Variants in ZNF165 observed in about 807,000 individuals in gnomAD.
The protein encoded by ZNF165 is zinc finger protein 165.
Under a neutral mutation model 19.6 loss-of-function variants are expected in ZNF165, and 14 were observed. That is an observed-to-expected ratio of 0.71 (90% CI 0.47 to 1.12). ZNF165 has a LOEUF of 1.12. Among genes scored for constraint, ZNF165 ranks in the 50% most tolerant of loss-of-function variants. The pLI, the probability that ZNF165 is intolerant of heterozygous loss-of-function variation, is 0.00. For synonymous variants in ZNF165, 165 were observed against 195.0 expected, an observed-to-expected ratio of 0.85 and a Z score of 1.28; for missense variants, 504 against 566.3, an observed-to-expected ratio of 0.89 and a Z score of 1.12.
At chr6:28,085,253 A>G (rs1764248529) in intron 1 of ZNF165, among the ~76,000 whole-genome samples, 1 of 152,218 alleles carries the variant, frequency 6.6e-6, no homozygotes, top group African/African-American at 2.4e-5. Context: ...AAATTAAGCT[A>G]TCTTGAAGTA....
chr6:28,087,660 ACC>A (rs1393648745), intron 3 of ZNF165, among the ~76,000 whole-genome samples: 10 of 152,096 alleles, frequency 6.6e-5, no homozygotes, highest in Non-Finnish European at 1.3e-4. Context: ...GCACTCCCTA[ACC>A]CTCTTTCCTG....
upstream of ZNF165, among the ~76,000 whole-genome samples, chr6:28,080,371 ATCTTTTTCTTCTTCT>A (rs1764124222): frequency 1.3e-5 from 2 of 151,810 alleles, no homozygotes; most frequent in Non-Finnish European, 2.9e-5. Flanking sequence ...TCGAGTGTGT[ATCTTTTTCTTCTTCT>A]TCTTTTTCTG....
In ZNF165 at chr6:28,085,541, A is replaced by G; in HGVS notation, c.61A>G (p.Ile21Val). Residue 21 changes from isoleucine to valine, a missense_variant, in exon 2 of 4, where the codon ATA (isoleucine) becomes GTA (valine). Ile to Val is a conservative substitution (Grantham distance 29, BLOSUM62 3). Transcript: ENST00000683778. ...QNSPEDEGLLIVKIEEEEFIH... is the reference protein window; with the variant it reads ...QNSPEDEGLLVVKIEEEEFIH... ...CTCTCCAGAGGATGAAGGACTTCTGATAGTGAAGATAGAAGAGGAAGAATT... is the reference window on the plus strand; with the variant it reads ...CTCTCCAGAGGATGAAGGACTTCTGGTAGTGAAGATAGAAGAGGAAGAATT... The G allele has an allele frequency of 3.1e-6, 5 of 1,614,254 alleles. No homozygotes were observed. The highest frequency in any genetic ancestry group is 4.2e-6 in the Non-Finnish European group (5 of 1,180,034).
intron 1 of ZNF165, among the ~76,000 whole-genome samples, chr6:28,083,725 T>C (rs1237207540): frequency 6.6e-6 from 1 of 152,208 alleles, no homozygotes; most frequent in Admixed American, 6.5e-5. Context: ...ATTGCCTTGA[T>C]GAGAAAATTC....
At chr6:28,086,066 T>C in intron 2 of ZNF165, 106 bp from the exon 3 acceptor site, 3 of 1,524,732 alleles carry the variant, frequency 2.0e-6, no homozygotes, top group Non-Finnish European at 2.6e-6. Context: ...CAGACTCGAT[T>C]CTTCCTTCCC....
rs761110057 is a variant in ZNF165 at position 28,089,291 on chromosome 6, C to G, written c.1279C>G (p.Pro427Ala). The G allele has an allele frequency of 6.2e-7, 1 of 1,614,134 alleles. No individual in the cohort carries two copies. The highest frequency in any genetic ancestry group is 1.7e-5 in the Admixed American group (1 of 60,026). Residue 427 changes from proline to alanine, a missense_variant, in exon 4 of 4, where the codon CCC (proline) becomes GCC (alanine). Transcript: ENST00000683778. Reference sequence around the variant, plus strand: ...TCAGAGAATTCACACCAGAGAGAAACCCTACGAGTGTAGTGAATGTGGGAA... The same window carrying G: ...TCAGAGAATTCACACCAGAGAGAAAGCCTACGAGTGTAGTGAATGTGGGAA... ...RHQRIHTREK[P>A]YECSECGKTF...
chr6:28,080,355 G>A (rs1039759497), upstream of ZNF165, among the ~76,000 whole-genome samples: 3 of 151,950 alleles, frequency 2.0e-5, no homozygotes, highest in African/African-American at 7.3e-5. Context: ...CTGAGAAAAT[G>A]TGTGCTCGAG....
chr6:28,088,454 A>G, intron 3 of ZNF165, 109 bp from the exon 4 acceptor site: 1 of 848,166 alleles, frequency 1.2e-6, no homozygotes, highest in Non-Finnish European at 1.8e-6. Context: ...CTCATGTGAA[A>G]GGTCATATAT....
At chr6:28,080,538 C>G (rs62401428), upstream of ZNF165, 1 of 144,232 alleles carries the variant, frequency 6.9e-6, no homozygotes, top group Non-Finnish European at 1.5e-5. Context: ...CCACCACGCC[C>G]GGCAATTTTT....
intron 1 of ZNF165, 92 bp from the exon 2 acceptor site, chr6:28,085,389 A>G: frequency 1.5e-6 from 2 of 1,302,698 alleles, no homozygotes; most frequent in African/African-American, 1.5e-5. Flanking sequence ...ATCTTCTTAG[A>G]CAGTAATAGT....
At chr6:28,087,526 G>A (rs931348884) in intron 3 of ZNF165, among the ~76,000 whole-genome samples, 1 of 152,196 alleles carries the variant, frequency 6.6e-6, no homozygotes, top group Non-Finnish European at 1.5e-5. Context: ...TTACAGACAT[G>A]AGCCACGGAG....
chr6:28,085,943 G>A (rs2113685654), intron 2 of ZNF165, 52 bp downstream of exon 2: 1 of 1,585,070 alleles, frequency 6.3e-7, no homozygotes, highest in Non-Finnish European at 8.5e-7. Flanking sequence ...AAGTTCCACG[G>A]TGGGAGGAGA....
chr6:28,082,730 C>T (rs1179060768), intron 1 of ZNF165, among the ~76,000 whole-genome samples: 1 of 152,188 alleles, frequency 6.6e-6, no homozygotes, highest in Admixed American at 6.5e-5. Context: ...GTTTTGGGGC[C>T]AGTTTATGGC....
Position 28,086,270 on chromosome 6 carries a change from C to A in ZNF165, c.510C>A (p.Ala170=). 1.2e-6 allele frequency: 2 copies of A among 1,614,170 alleles called. No homozygotes were observed. The highest frequency in any genetic ancestry group is 1.7e-6 in the Non-Finnish European group (2 of 1,180,030). ...AGTTACAGCCAGTGGAGACCAAGGC[C>A]CATTTTGATTCATCAGAACCCCAGC... ...NVKLQPVETK[A]HFDSSEPQLL... The change falls in exon 3 of 4, where the codon GCC becomes GCA. Residue 170 remains alanine, a synonymous_variant. Transcript: ENST00000683778.
At position 28,089,450 on chromosome 6, in the gene ZNF165, AG is replaced by A; in HGVS notation, c.1441del (p.Glu481LysfsTer4). ...TAGTCAACACCAGAGAATTCACATGAGGGAAAACCTATTAATGTAAGGAACT... is the reference window on the plus strand; with the variant it reads ...TAGTCAACACCAGAGAATTCACATGAGGAAAACCTATTAATGTAAGGAACT... ...NLSQHQRIHM[R>X]ENLLM is the part of the protein sequence containing the mutation. On this transcript the variant is annotated frameshift_variant, in exon 4 of 4. Coordinates refer to ENST00000683778, the MANE Select transcript of ZNF165 (RefSeq NM_001376491.1). LOFTEE classifies it high-confidence loss of function. The A allele has an allele frequency of 6.3e-7, 1 of 1,592,556 alleles. No individual in the cohort carries two copies. Among genetic ancestry groups the A allele is most frequent in the South Asian group, 1.1e-5 (1 of 88,450 alleles).
chr6:28,080,906 T>C lies in ZNF165; in HGVS notation c.-65T>C, dbSNP rs878857833. ...CACAAGTCCCTGTGGACGGAATTCT[T>C]GAAGTGTAGCGCCGCTCAGTCCTTC... On this transcript the variant is annotated 5_prime_UTR_variant, in exon 1 of 4. An upstream open reading frame in the 5' UTR loses its in-frame stop. Transcript: ENST00000683778. The C allele has an allele frequency of 3.3e-5, 5 of 152,146 alleles. No homozygotes were observed. The highest frequency in any genetic ancestry group is 3.3e-4 in the Admixed American group (5 of 15,274). 9.4% of individuals were successfully genotyped at this position (152,146 alleles called of 1,614,324 possible).
chr6:28,082,426 A>T (rs900243455), intron 1 of ZNF165, among the ~76,000 whole-genome samples: 3 of 152,176 alleles, frequency 2.0e-5, no homozygotes, highest in Admixed American at 6.5e-5. Context: ...CAGAGCTGAG[A>T]GCCTTGAACA....
At chr6:28,083,705 T>C (rs2113683357) in intron 1 of ZNF165, among the ~76,000 whole-genome samples, 1 of 152,328 alleles carries the variant, frequency 6.6e-6, no homozygotes, top group South Asian at 2.1e-4. Context: ...CACCTTTCTA[T>C]AGAAGCAAAA....
chr6:28,085,927 T>C (rs775955704), intron 2 of ZNF165, 36 bp downstream of exon 2: 5 of 1,592,184 alleles, frequency 3.1e-6, no homozygotes, highest in Non-Finnish European at 4.2e-6. Context: ...ACCTCCATAA[T>C]GGATAAAGTT....
Sources: allele counts gnomAD v4.1 joint callset (sites outside exome capture counted in the v4.1 genomes callset), GRCh38; gene constraint gnomAD v4.1.1; transcripts MANE v1.5; gene names NCBI Gene and HGNC (gene_info 2026-07-23, HGNC 2026-07-21).